QKI: variants seen among roughly 807,000 people sequenced by gnomAD.
The protein encoded by QKI is QKI, KH domain containing RNA binding.
QKI carries 10 observed loss-of-function variants against 39.0 expected under a neutral mutation model. The ratio of observed to expected loss-of-function variants is 0.26; its 90% CI spans 0.16 to 0.43. The LOEUF (loss-of-function observed/expected upper bound fraction) is 0.43, where lower values mean the gene tolerates loss of function less well. Ranked by LOEUF, QKI falls within the 20% of genes least tolerant of loss-of-function variation. The probability of loss-of-function intolerance (pLI) is 1.00; values close to 1 mark genes in which losing one functional copy is unlikely to be tolerated. For missense variants in QKI, 218 were observed against 428.0 expected (o/e 0.51, Z 4.33); for synonymous variants, 204 against 155.4 (o/e 1.31, Z -2.33).
chr6:163,434,445 T>C (rs1789084975), intron 1 of QKI, among the ~76,000 whole-genome samples: 1 of 152,278 alleles, frequency 6.6e-6, no homozygotes, highest in African/African-American at 2.4e-5. Context: ...CCAAGTTTGT[T>C]AAAAAATAAA....
chr6:163,457,349 T>C (rs920920775), intron 2 of QKI: 1 of 455,952 alleles, frequency 2.2e-6, no homozygotes, highest in African/African-American at 2.0e-5. Context: ...AGAGGGCACC[T>C]GTTCACTATA....
chr6:163,472,676 T>C (rs1792290850), intron 2 of QKI, among the ~76,000 whole-genome samples: 1 of 152,180 alleles, frequency 6.6e-6, no homozygotes, highest in South Asian at 2.1e-4. Context: ...GGCTATTACA[T>C]ATAACATGTT....
chr6:163,557,237 C>T lies in QKI; in HGVS notation c.547-4745C>T, dbSNP rs569613847. Among the ~76,000 whole-genome samples the T allele has an allele frequency of 8.5e-4, 129 of 152,188 alleles. 3 individuals carry two copies. In the South Asian group the frequency reaches 0.022, roughly 25 times the overall value. On this transcript the variant is annotated intron_variant, in intron 4 of 7. Transcript: ENST00000361752. The stretch of plus-strand genomic sequence containing the variant: ...AAATATTATATATGCCTTCATTATC[C>T]GAAAATCTAGTCTAGGCAAGTTAAA...
intron 1 of QKI, chr6:163,415,799 C>G: frequency 2.3e-6 from 1 of 432,716 alleles, no homozygotes; most frequent in Admixed American, 2.6e-5. Context: ...TGCGCGGACC[C>G]CCACCGCCCC....
At chr6:163,419,165 C>G (rs1277856940) in intron 1 of QKI, among the ~76,000 whole-genome samples, 1 of 152,130 alleles carries the variant, frequency 6.6e-6, no homozygotes, top group African/African-American at 2.4e-5. Context: ...TATACCCTGC[C>G]TGCTCCCTCT....
chr6:163,540,497 T>A (rs1300674141), intron 4 of QKI, among the ~76,000 whole-genome samples: 1 of 152,168 alleles, frequency 6.6e-6, no homozygotes, highest in Admixed American at 6.6e-5. Context: ...GTATTTGGGT[T>A]TCAAAACAAT....
Position 163,577,982 on chromosome 6 carries a change from T to C in QKI, c.*7272T>C, listed in dbSNP as rs185974605. On this transcript the variant is annotated 3_prime_UTR_variant, in exon 8 of 8. Transcript: ENST00000361752. ...CCATCTAATAGTTGTACTATACATATGTCTAAAATAATAGTCATGGTAAGT... is the reference window on the plus strand; with the variant it reads ...CCATCTAATAGTTGTACTATACATACGTCTAAAATAATAGTCATGGTAAGT... 2.0e-5 allele frequency: 3 copies of C among 152,320 alleles called. No individual in the cohort carries two copies. The highest frequency in any genetic ancestry group is 2.9e-5 in the Non-Finnish European group (2 of 68,028). 9.4% of individuals were successfully genotyped at this position (152,320 alleles called of 1,614,324 possible). A position where few individuals can be genotyped will look rare whatever the true frequency, so the allele number is the denominator to read the frequency against.
intron 1 of QKI, among the ~76,000 whole-genome samples, chr6:163,434,106 C>T (rs1250728124): frequency 6.6e-6 from 1 of 151,560 alleles, no homozygotes; most frequent in African/African-American, 2.4e-5. Flanking sequence ...TTGCTGGGTG[C>T]TGGGGGGATA....
chr6:163,415,468 A>G, intron 1 of QKI, 133 bp downstream of exon 1: 1 of 830,036 alleles, frequency 1.2e-6, no homozygotes. Flanking sequence ...GGAGGCCAGG[A>G]GGGCGCACAA....
intron 6 of QKI, chr6:163,564,457 G>T (rs548743996): frequency 7.1e-7 from 1 of 1,409,698 alleles, no homozygotes; most frequent in South Asian, 1.6e-5. Flanking sequence ...AGATTTTTCA[G>T]TTCTTGTGTT....
At chr6:163,564,705 C>T in intron 6 of QKI, 1 of 1,613,976 alleles carries the variant, frequency 6.2e-7, no homozygotes, top group South Asian at 1.1e-5. Context: ...TATTTCAGCC[C>T]ATTGACTTGC....
chr6:163,512,837 A>C (rs1779564762), intron 3 of QKI, among the ~76,000 whole-genome samples: 1 of 152,118 alleles, frequency 6.6e-6, no homozygotes, highest in African/African-American at 2.4e-5. Context: ...AAAAACTAAG[A>C]GTTGGCCATA....
At chr6:163,544,883 A>T (rs1049519940) in intron 4 of QKI, among the ~76,000 whole-genome samples, 1 of 152,070 alleles carries the variant, frequency 6.6e-6, no homozygotes, top group African/African-American at 2.4e-5. Flanking sequence ...GGTACAATAC[A>T]TTTTTTGTTT....
rs914489634 is a variant in QKI, at chr6:163,451,959, C to T, written c.143-3320C>T. ...ACATTCCCAGAAGCTCTGATTGCCA[C>T]GACTTACAAATGGAAAGTTTTAAAG... On this transcript the variant is annotated intron_variant, in intron 1 of 7. Coordinates refer to ENST00000361752, the MANE Select transcript of QKI (RefSeq NM_006775.3). 2.6e-4 allele frequency among the ~76,000 whole-genome samples: 40 copies of T among 152,042 alleles called. 1 individual carries two copies. The highest frequency in any genetic ancestry group is 7.4e-5 in the Non-Finnish European group (5 of 68,018).
At chr6:163,506,026 C>T (rs1454960776) in intron 3 of QKI, among the ~76,000 whole-genome samples, 2 of 152,066 alleles carry the variant, frequency 1.3e-5, no homozygotes, top group African/African-American at 4.8e-5. Flanking sequence ...CTCATGAGAT[C>T]TGGTGGTTTA....
intron 4 of QKI, among the ~76,000 whole-genome samples, chr6:163,541,852 G>A: frequency 6.6e-6 from 1 of 151,742 alleles, no homozygotes; most frequent in Non-Finnish European, 1.5e-5. Context: ...CAAGCAGTAT[G>A]GCCTACTTGC....
In QKI at chr6:163,561,497, A is replaced by G. The variant is rs200199440; in HGVS notation, c.547-485A>G. 4.7e-4 allele frequency among the ~76,000 whole-genome samples: 72 copies of G among 152,276 alleles called. No individual in the cohort carries two copies. The East Asian group carries it at 8.5e-3, about 18-fold the overall frequency. On this transcript the variant is annotated intron_variant, in intron 4 of 7. Coordinates refer to ENST00000361752, the MANE Select transcript of QKI (RefSeq NM_006775.3). ...GTGGCGCGTGCCTCTAGTCGCAGCTACTTCGGAGGCTGAGGTAGGAGGATG... is the reference window on the plus strand; with the variant it reads ...GTGGCGCGTGCCTCTAGTCGCAGCTGCTTCGGAGGCTGAGGTAGGAGGATG...
At chr6:163,455,899 G>C (rs1790875087) in intron 2 of QKI, among the ~76,000 whole-genome samples, 1 of 152,094 alleles carries the variant, frequency 6.6e-6, no homozygotes, top group African/African-American at 2.4e-5. Context: ...TAAGCATCTT[G>C]TTGTGAATAG....
chr6:163,438,913 C>T (rs1344213621), intron 1 of QKI, among the ~76,000 whole-genome samples: 1 of 152,242 alleles, frequency 6.6e-6, no homozygotes, highest in African/African-American at 2.4e-5. Context: ...ACTACAATTA[C>T]AGTTTAAAAT....
Sources: gnomAD v4.1 joint callset for allele counts (sites outside exome capture counted in the v4.1 genomes callset) on GRCh38, gnomAD v4.1.1 for gene constraint, MANE v1.5 for transcripts, NCBI Gene and HGNC (gene_info 2026-07-23, HGNC 2026-07-21) for gene names.